NLGN1: variants seen among roughly 807,000 people sequenced by gnomAD.
The protein encoded by NLGN1 is neuroligin-1.
NLGN1 carries 12 observed loss-of-function variants against 65.5 expected under a neutral mutation model. The ratio of observed to expected loss-of-function variants is 0.18; its 90% CI spans 0.12 to 0.30. The LOEUF (loss-of-function observed/expected upper bound fraction) is 0.30, where lower values mean the gene tolerates loss of function less well. NLGN1 is among the 10% of genes least tolerant of loss of function. NLGN1 has a pLI of 1.00. For missense variants in NLGN1, 750 were observed against 1,007.1 expected (o/e 0.74, Z 3.46); for synonymous variants, 350 against 359.5 (o/e 0.97, Z 0.30).
At chr3:173,501,614 A>C (rs1731129551) in intron 2 of NLGN1, among the ~76,000 whole-genome samples, 1 of 151,208 alleles carries the variant, frequency 6.6e-6, no homozygotes, top group Middle Eastern at 3.2e-3. Flanking sequence ...GTTTTGAGAG[A>C]TGGGAGGAAA....
intron 4 of NLGN1, among the ~76,000 whole-genome samples, chr3:174,158,253 ATTTGTGTTCAAAGACT>A (rs1231226208): frequency 6.6e-6 from 1 of 151,782 alleles, no homozygotes; most frequent in African/African-American, 2.4e-5. Context: ...GAAGAAGAAA[ATTTGTGTTCAAAGACT>A]TTGTAAAGTA....
intron 4 of NLGN1, among the ~76,000 whole-genome samples, chr3:174,083,722 T>C (rs1367796710): frequency 6.6e-6 from 1 of 152,180 alleles, no homozygotes; most frequent in African/African-American, 2.4e-5. Context: ...GAGAATTTCT[T>C]CTTATTTTGC....
chr3:174,022,059 C>G (rs1191133280), intron 4 of NLGN1, among the ~76,000 whole-genome samples: 2 of 152,106 alleles, frequency 1.3e-5, no homozygotes, highest in Admixed American at 6.6e-5. Context: ...CTGCCGATGA[C>G]CTGTAGTTAG....
intron 4 of NLGN1, among the ~76,000 whole-genome samples, chr3:174,261,380 C>G (rs1424476021): frequency 1.4e-5 from 2 of 145,528 alleles, no homozygotes; most frequent in East Asian, 2.1e-4. Context: ...GTTTGTAGTT[C>G]TCCTTGAAGA....
chr3:173,456,327 A>C (rs370195856), intron 2 of NLGN1, among the ~76,000 whole-genome samples: 9 of 152,238 alleles, frequency 5.9e-5, no homozygotes, highest in African/African-American at 9.6e-5. Context: ...TGTGGCAAGG[A>C]AAGATACCTC....
At chr3:173,798,683 A>G (rs1055639632) in intron 3 of NLGN1, among the ~76,000 whole-genome samples, 1 of 152,084 alleles carries the variant, frequency 6.6e-6, no homozygotes, top group Non-Finnish European at 1.5e-5. Flanking sequence ...GTGTGATTAT[A>G]AAAGTCTATC....
chr3:173,513,224 A>AC (rs1560365419), intron 2 of NLGN1, among the ~76,000 whole-genome samples: 1 of 151,526 alleles, frequency 6.6e-6, no homozygotes, highest in Non-Finnish European at 1.5e-5. Context: ...TGAAAATGAG[A>AC]TTTTTTTTTC....
At chr3:173,519,707 AT>A (rs56083885) in intron 2 of NLGN1, among the ~76,000 whole-genome samples, 7,497 of 142,176 alleles carry the variant, frequency 0.053, 459 homozygotes, top group African/African-American at 0.15. Flanking sequence ...GGAGGTAACT[AT>A]TTTTTTTTTT....
intron 4 of NLGN1, among the ~76,000 whole-genome samples, chr3:173,875,810 T>C (rs1180192270): frequency 5.9e-5 from 9 of 152,160 alleles, no homozygotes. Flanking sequence ...GCACTTCAGT[T>C]CAACATTTTA....
chr3:173,743,596 A>C (rs766393644), intron 3 of NLGN1, among the ~76,000 whole-genome samples: 1 of 152,132 alleles, frequency 6.6e-6, no homozygotes. Context: ...CTTTTTCTTC[A>C]GCCTTTGAAA....
At chr3:173,593,466 C>T (rs907171591) in intron 2 of NLGN1, among the ~76,000 whole-genome samples, 1 of 152,092 alleles carries the variant, frequency 6.6e-6, no homozygotes, top group Non-Finnish European at 1.5e-5. Flanking sequence ...TTACAAATTA[C>T]TGTGGAAAAA....
chr3:174,180,871 T>C (rs1321702211), intron 4 of NLGN1: 2 of 151,866 alleles, frequency 1.3e-5, no homozygotes, highest in African/African-American at 4.8e-5. Context: ...TATAGAACTA[T>C]AGACAGGAGA....
rs1210171040 is a variant in NLGN1 at position 173,778,881 on chromosome 3, T to C, written c.494-28799T>C. 2.6e-5 allele frequency among the ~76,000 whole-genome samples: 4 copies of C among 151,632 alleles called. No individual in the cohort carries two copies. In the East Asian group the frequency reaches 7.8e-4, roughly 29 times the overall value. ...ATTGATATGACAAAAGGTTGTGATATCATTTAACTAACTTACAGTGGTAAA... is the reference window on the plus strand; with the variant it reads ...ATTGATATGACAAAAGGTTGTGATACCATTTAACTAACTTACAGTGGTAAA... On this transcript the variant is annotated intron_variant, in intron 3 of 6. Coordinates refer to ENST00000457714, the Ensembl canonical transcript of NLGN1.
chr3:173,419,117 AT>A lies in NLGN1; in HGVS notation c.-389-15881del, dbSNP rs551289158. On this transcript the variant is annotated intron_variant, in intron 1 of 6. Transcript: ENST00000457714. ...TCTATCTATCTATCTATATATATCG[AT>A]TTTTTTTTTTTGGCAGTTAAAGACA... Among the ~76,000 whole-genome samples the A allele has an allele frequency of 6.6e-3, 600 of 91,162 alleles. 1 individual carries two copies. Among genetic ancestry groups the A allele is most frequent in the Middle Eastern group, 0.018 (2 of 110 alleles). 59.8% of individuals were successfully genotyped at this position (91,162 alleles called of 152,430 possible).
intron 2 of NLGN1, among the ~76,000 whole-genome samples, chr3:173,439,186 A>G (rs1394059959): frequency 6.6e-6 from 1 of 152,192 alleles, no homozygotes; most frequent in African/African-American, 2.4e-5. Context: ...CCCATAGCAC[A>G]TATCACATTC....
intron 4 of NLGN1, among the ~76,000 whole-genome samples, chr3:174,036,037 G>GTA (rs1372265398): frequency 1.3e-5 from 2 of 152,018 alleles, no homozygotes; most frequent in Non-Finnish European, 2.9e-5. Flanking sequence ...GAGATAGATG[G>GTA]TATCTTCATT....
At chr3:173,610,191 A>G (rs1374012689) in intron 3 of NLGN1, among the ~76,000 whole-genome samples, 2 of 151,942 alleles carry the variant, frequency 1.3e-5, no homozygotes, top group Non-Finnish European at 2.9e-5. Context: ...TCCTTGATCA[A>G]TTTGCTGTGG....
At chr3:174,293,182 A>G in the NLGN1 span, among the ~76,000 whole-genome samples, 1 of 151,552 alleles carries the variant, frequency 6.6e-6, no homozygotes, top group African/African-American at 2.4e-5. Context: ...TAGATCACAG[A>G]GGAAATAAGC....
chr3:174,037,215 C>A (rs960954132), intron 4 of NLGN1, among the ~76,000 whole-genome samples: 3 of 152,156 alleles, frequency 2.0e-5, no homozygotes, highest in African/African-American at 7.2e-5. Flanking sequence ...TACACTCCCA[C>A]CAACAATGTA....
Sources: gnomAD v4.1 joint callset for allele counts (sites outside exome capture counted in the v4.1 genomes callset) on GRCh38, gnomAD v4.1.1 for gene constraint, MANE v1.5 for transcripts, NCBI Gene and HGNC (gene_info 2026-07-23, HGNC 2026-07-21) for gene names.